ZNF236: variants seen among roughly 807,000 people sequenced by gnomAD.
ZNF236 encodes zinc finger protein 236.
Under a neutral mutation model 191.2 loss-of-function variants are expected in ZNF236, and 50 were observed. That is an observed-to-expected ratio of 0.26 (90% CI 0.21 to 0.33). The LOEUF is 0.33. Among genes scored for constraint, ZNF236 ranks in the 10% least tolerant of loss-of-function variants. ZNF236 has a pLI of 1.00. For missense variants in ZNF236, 1,754 were observed against 2,374.5 expected, an observed-to-expected ratio of 0.74 and a Z score of 5.43; for synonymous variants, 907 against 928.8, an observed-to-expected ratio of 0.98 and a Z score of 0.43.
chr18:76,884,216 A>G (rs960961629), intron 9 of ZNF236, among the ~76,000 whole-genome samples: 2 of 151,888 alleles, frequency 1.3e-5, no homozygotes, highest in Non-Finnish European at 1.5e-5. Context: ...CCTGGACAAC[A>G]TGGTGAAACC....
At chr18:76,831,149 A>G (rs1462216161) in intron 1 of ZNF236, among the ~76,000 whole-genome samples, 1 of 152,228 alleles carries the variant, frequency 6.6e-6, no homozygotes, top group Non-Finnish European at 1.5e-5. Context: ...GGGTTTGGAC[A>G]AATGCATATT....
intron 10 of ZNF236, chr18:76,895,489 C>T: frequency 1.4e-6 from 1 of 702,226 alleles, no homozygotes; most frequent in Non-Finnish European, 2.3e-6. Context: ...CGGTACTGCC[C>T]ACAGGGACTG....
intron 3 of ZNF236, among the ~76,000 whole-genome samples, chr18:76,856,940 T>A (rs1345397276): frequency 1.3e-5 from 2 of 152,218 alleles, no homozygotes; most frequent in African/African-American, 4.8e-5. Context: ...CCCACACTGA[T>A]CTGCCTGGTA....
At chr18:76,845,333 C>T (rs1216453129) in intron 1 of ZNF236, among the ~76,000 whole-genome samples, 1 of 152,150 alleles carries the variant, frequency 6.6e-6, no homozygotes, top group African/African-American at 2.4e-5. Context: ...ATAGTGAACT[C>T]TTACAGTGAC....
chr18:76,924,400 T>C (rs1175941339), intron 21 of ZNF236, among the ~76,000 whole-genome samples: 1 of 152,194 alleles, frequency 6.6e-6, no homozygotes, highest in East Asian at 1.9e-4. Context: ...TTTTGGTGCC[T>C]CTTTCTCCAT....
chr18:76,840,821 T>C (rs916309613), intron 1 of ZNF236: 1 of 136,410 alleles, frequency 7.3e-6, no homozygotes, highest in African/African-American at 2.9e-5. Flanking sequence ...TTTCTTTCTT[T>C]CTTTTTTTTT....
rs1224411420 is a variant in ZNF236 at position 76,919,711 on chromosome 18, T to C, written c.3275-65T>C. On this transcript the variant is annotated intron_variant, in intron 19 of 30. Coordinates refer to ENST00000320610, the MANE Select transcript of ZNF236 (RefSeq NM_001306089.2). The surrounding 1 kb of genome is among the most constrained non-coding windows in gnomAD (Gnocchi z 5.3). ...ACATACATACCTATTTAGTTTTAATTGTTTTGCTAAAAACCTAGGTTTTCT... is the reference window on the plus strand; with the variant it reads ...ACATACATACCTATTTAGTTTTAATCGTTTTGCTAAAAACCTAGGTTTTCT... 1 of 1,567,768 alleles carries C rather than the reference T, an allele frequency of 6.4e-7. No homozygotes were observed. Among genetic ancestry groups the C allele is most frequent in the Non-Finnish European group, 8.7e-7 (1 of 1,149,432 alleles).
chr18:76,874,042 C>A (rs1437204291), intron 5 of ZNF236, among the ~76,000 whole-genome samples: 1 of 151,254 alleles, frequency 6.6e-6, no homozygotes, highest in Non-Finnish European at 1.5e-5. Context: ...CCTCTCCTGT[C>A]CCCACGCAGG....
intron 19 of ZNF236, among the ~76,000 whole-genome samples, chr18:76,918,936 A>C (rs1336993310): frequency 6.6e-6 from 1 of 152,226 alleles, no homozygotes; most frequent in Non-Finnish European, 1.5e-5. Flanking sequence ...AGTCGGTTGA[A>C]TCTATGGATG....
At chr18:76,879,087 A>T (rs1433328893) in intron 7 of ZNF236, among the ~76,000 whole-genome samples, 1 of 152,220 alleles carries the variant, frequency 6.6e-6, no homozygotes, top group African/African-American at 2.4e-5. Context: ...TTTTAAATAC[A>T]ATTTTTAACG....
At chr18:76,946,564 G>A (rs1416747169) in intron 26 of ZNF236, among the ~76,000 whole-genome samples, 2 of 152,180 alleles carry the variant, frequency 1.3e-5, no homozygotes, top group South Asian at 2.1e-4. Flanking sequence ...GGTCAGCCAC[G>A]GTTTTAACTG....
At chr18:76,905,091 C>A in intron 12 of ZNF236, 64 bp from the exon 13 acceptor site, 1 of 1,467,894 alleles carries the variant, frequency 6.8e-7, no homozygotes, top group Non-Finnish European at 9.2e-7. Flanking sequence ...AGAGTGCATT[C>A]TAGTCACAAA....
chr18:76,922,070 T>C (rs1211929469), intron 20 of ZNF236, among the ~76,000 whole-genome samples: 1 of 152,226 alleles, frequency 6.6e-6, no homozygotes, highest in African/African-American at 2.4e-5. Flanking sequence ...TACATATCAA[T>C]GAGTCATAGG....
At position 76,880,042 on chromosome 18, in the gene ZNF236, T is replaced by TG. The variant is rs961302489; in HGVS notation, c.985-71_985-70insG. On this transcript the variant is annotated intron_variant, in intron 7 of 30. Transcript: ENST00000320610. The surrounding 1 kb of genome is among the most constrained non-coding windows in gnomAD (Gnocchi z 5.0). The stretch of plus-strand genomic sequence containing the variant: ...CTTAAGGAGGGTATTGCCTGTTTTT[T>TG]TTTTTTTAATTTTCCTTTTTAAATT... 36 of 1,450,348 alleles carry TG rather than the reference T, an allele frequency of 2.5e-5. No homozygotes were observed. The African/African-American group carries it at 4.6e-4, about 19-fold the overall frequency. 89.8% of individuals were successfully genotyped at this position (1,450,348 alleles called of 1,614,324 possible). A position where few individuals can be genotyped will look rare whatever the true frequency, so the allele number is the denominator to read the frequency against.
At chr18:76,884,487 A>C (rs1270029923) in intron 9 of ZNF236, among the ~76,000 whole-genome samples, 4 of 151,926 alleles carry the variant, frequency 2.6e-5, no homozygotes, top group African/African-American at 7.2e-5. Flanking sequence ...CTGATGATTG[A>C]CTCCTTTAAG....
rs1217880228 is a variant in ZNF236 at position 76,927,237 on chromosome 18, G to A, written c.4174-40G>A. The A allele has an allele frequency of 1.2e-6, 2 of 1,612,296 alleles. No homozygotes were observed. Among genetic ancestry groups the A allele is most frequent in the African/African-American group, 1.3e-5 (1 of 75,012 alleles). On this transcript the variant is annotated intron_variant, in intron 23 of 30. Coordinates refer to ENST00000320610, the MANE Select transcript of ZNF236 (RefSeq NM_001306089.2). This position sits in a 1 kb window ranked among gnomAD's most constrained non-coding sequence, Gnocchi z 5.4. Reference sequence around the variant, plus strand: ...GTAATTCTCTTGGCATCACAGAGAAGCATGAAGTTTTCATTACAAGTACCT... The same window carrying A: ...GTAATTCTCTTGGCATCACAGAGAAACATGAAGTTTTCATTACAAGTACCT...
chr18:76,890,703 A>G (rs1472277441), intron 9 of ZNF236, among the ~76,000 whole-genome samples: 3 of 152,194 alleles, frequency 2.0e-5, no homozygotes, highest in African/African-American at 4.8e-5. Context: ...AAGCTTTTCA[A>G]AAGAGTACCT....
At chr18:76,900,159 G>A (rs1204113466) in intron 11 of ZNF236, among the ~76,000 whole-genome samples, 3 of 152,034 alleles carry the variant, frequency 2.0e-5, no homozygotes, top group African/African-American at 7.3e-5. Context: ...TAATTCCAAA[G>A]CATAACCTTT....
At position 76,895,043 on chromosome 18, in the gene ZNF236, G is replaced by T; in HGVS notation, c.1448G>T (p.Trp483Leu). Residue 483 changes from tryptophan to leucine, a missense_variant, in exon 10 of 31, where the codon TGG (tryptophan) becomes TTG (leucine). By Grantham distance (61) the Trp-to-Leu change is moderately conservative. Coordinates refer to ENST00000320610, the MANE Select transcript of ZNF236 (RefSeq NM_001306089.2). Reference sequence around the variant, plus strand: ...ATCCGCGAGGAGAACGGCGTGCGCTGGCATGTGTGTCCCTACTGCGCCAAG... The same window carrying T: ...ATCCGCGAGGAGAACGGCGTGCGCTTGCATGTGTGTCCCTACTGCGCCAAG... ...GSIREENGVR[W>L]HVCPYCAKEF... 6.2e-7 allele frequency: 1 copy of T among 1,611,048 alleles called. No individual in the cohort carries two copies.
Sources: allele counts gnomAD v4.1 joint callset (sites outside exome capture counted in the v4.1 genomes callset), GRCh38; gene constraint gnomAD v4.1.1; non-coding constraint Gnocchi (gnomAD v3.1); transcripts MANE v1.5; gene names NCBI Gene and HGNC (gene_info 2026-07-23, HGNC 2026-07-21).